Variants in PPFIBP2 observed in about 807,000 individuals in gnomAD.
The protein encoded by PPFIBP2 is PPFIB scaffold protein 2.
In PPFIBP2, 118 loss-of-function variants were observed where a neutral mutation model predicts 118.3. The observed-to-expected ratio is 1.00, with a 90% CI of 0.86 to 1.16. The LOEUF (loss-of-function observed/expected upper bound fraction) is 1.16. Ranked by LOEUF, PPFIBP2 falls within the 50% of genes most tolerant of loss-of-function variation. The pLI, the probability that PPFIBP2 is intolerant of heterozygous loss-of-function variation, is 0.00. For missense variants in PPFIBP2, 1,195 were observed against 1,073.1 expected, an observed-to-expected ratio of 1.11 and a Z score of -1.59; for synonymous variants, 414 against 397.4, an observed-to-expected ratio of 1.04 and a Z score of -0.50.
chr11:7,648,866 A>G lies in PPFIBP2; in HGVS notation c.1864A>G (p.Lys622Glu), dbSNP rs751855172. ...LVLAVKAINTKQEEKSALLDH... is the reference protein window; with the variant it reads ...LVLAVKAINTEQEEKSALLDH... ...TTTAGCAGTGAAAGCCATCAACACC[A>G]AACAGGAGGAGAAGTCTGCACTGCT... The change falls in exon 19 of 24, where the codon AAA becomes GAA. Residue 622 changes from lysine (K) to glutamate (E), a missense_variant. By Grantham distance (56) the Lys-to-Glu change is moderately conservative. Coordinates refer to ENST00000299492, the MANE Select transcript of PPFIBP2 (RefSeq NM_003621.5). The G allele has an allele frequency of 3.7e-6, 6 of 1,614,148 alleles. No individual in the cohort carries two copies. The highest frequency in any genetic ancestry group is 1.3e-5 in the African/African-American group (1 of 75,038).
downstream of PPFIBP2, among the ~76,000 whole-genome samples, chr11:7,660,497 C>T (rs1416717417): frequency 1.3e-5 from 2 of 148,664 alleles, no homozygotes; most frequent in Non-Finnish European, 3.0e-5. Flanking sequence ...GGGATGAAGC[C>T]CACTTGATCA....
intron 3 of PPFIBP2, among the ~76,000 whole-genome samples, chr11:7,570,210 G>A (rs1346252138): frequency 6.6e-6 from 1 of 152,176 alleles, no homozygotes; most frequent in East Asian, 1.9e-4. Flanking sequence ...CCTTAGACAG[G>A]ATAGCCAGTC....
At position 7,610,415 on chromosome 11, in the gene PPFIBP2, A is replaced by G. The variant is rs141621267; in HGVS notation, c.611A>G (p.Lys204Arg). ...AGAGAGCAGGAGGAGAAGCAGAGAAAAGCAGAGGTAAGGGTGAGTGTGTAC... is the reference window on the plus strand; with the variant it reads ...AGAGAGCAGGAGGAGAAGCAGAGAAGAGCAGAGGTAAGGGTGAGTGTGTAC... ...EQREQEEKQRKAEELLQELRH... is the reference protein window; with the variant it reads ...EQREQEEKQRRAEELLQELRH... The change falls in exon 6 of 24, where the codon AAA becomes AGA. Residue 204 changes from lysine to arginine, a missense_variant. Lys to Arg is a conservative substitution (Grantham distance 26). Coordinates refer to ENST00000299492, the MANE Select transcript of PPFIBP2 (RefSeq NM_003621.5). The G allele has an allele frequency of 1.1e-5, 17 of 1,613,482 alleles. No homozygotes were observed. Among genetic ancestry groups the G allele is most frequent in the Non-Finnish European group, 1.4e-5 (16 of 1,179,922 alleles).
At chr11:7,651,084 C>T (rs1853929761) in intron 22 of PPFIBP2, 119 bp downstream of exon 22, 1 of 1,093,684 alleles carries the variant, frequency 9.1e-7, no homozygotes, top group African/African-American at 1.6e-5. Context: ...ATCTGGAGGT[C>T]TTGCATAATT....
At chr11:7,544,294 G>A (rs1276541608) in intron 1 of PPFIBP2, among the ~76,000 whole-genome samples, 4 of 152,158 alleles carry the variant, frequency 2.6e-5, no homozygotes, top group African/African-American at 9.7e-5. Flanking sequence ...AAGTGCTTTG[G>A]TCCCATGTAA....
chr11:7,657,979 T>A (rs1854799218), downstream of PPFIBP2, among the ~76,000 whole-genome samples: 1 of 152,192 alleles, frequency 6.6e-6, no homozygotes, highest in African/African-American at 2.4e-5. Context: ...TTCGCATGTG[T>A]GTGTTAAGAA....
intron 3 of PPFIBP2, among the ~76,000 whole-genome samples, chr11:7,580,591 G>A (rs542629066): frequency 1.3e-4 from 20 of 152,236 alleles, no homozygotes; most frequent in African/African-American, 4.3e-4. Flanking sequence ...GGCCTGTGTG[G>A]GATGGGATAG....
intron 1 of PPFIBP2, among the ~76,000 whole-genome samples, chr11:7,531,280 C>A (rs1484974520): frequency 6.6e-6 from 1 of 152,170 alleles, no homozygotes; most frequent in African/African-American, 2.4e-5. Flanking sequence ...AGGGACCAAC[C>A]CTTCCCCTGC....
At chr11:7,521,446 C>T (rs1245584749) in intron 1 of PPFIBP2, among the ~76,000 whole-genome samples, 1 of 152,192 alleles carries the variant, frequency 6.6e-6, no homozygotes, top group African/African-American at 2.4e-5. Flanking sequence ...TTCTTTTGTG[C>T]CTATCTGCAT....
rs569448483 is a variant in PPFIBP2, at chr11:7,543,260, A to G, written c.-36-6180A>G. 9.8e-5 allele frequency among the ~76,000 whole-genome samples: 15 copies of G among 152,388 alleles called. No homozygotes were observed. The South Asian group carries it at 2.9e-3, about 29-fold the overall frequency. On this transcript the variant is annotated intron_variant, in intron 1 of 23. Coordinates refer to ENST00000299492, the MANE Select transcript of PPFIBP2 (RefSeq NM_003621.5). ...GCAAAAGGTATTTCTTAAAATAACC[A>G]TTTAAGAGCAGCTATGGCTTATGGG... is the stretch of plus-strand genomic sequence containing the variant.
At chr11:7,651,922 C>T (rs914602780) in intron 23 of PPFIBP2, 78 bp downstream of exon 23, 1 of 1,355,342 alleles carries the variant, frequency 7.4e-7, no homozygotes, top group Admixed American at 2.0e-5. Context: ...GCGCGATGCC[C>T]ACAGCCAGAG....
chr11:7,563,977 AAC>A (rs1854641240), intron 2 of PPFIBP2, among the ~76,000 whole-genome samples: 1 of 152,126 alleles, frequency 6.6e-6, no homozygotes, highest in South Asian at 2.1e-4. Flanking sequence ...CATCCTGGCT[AAC>A]ACAGTGAAAC....
the PPFIBP2 span, chr11:7,665,448 G>C: frequency 2.0e-5 from 32 of 1,613,604 alleles, 1 homozygote; most frequent in South Asian, 2.7e-4. Context: ...TGGATTAGTG[G>C]TGGCGGGCCA....
chr11:7,552,762 C>G (rs377408854), intron 2 of PPFIBP2, among the ~76,000 whole-genome samples: 11 of 152,296 alleles, frequency 7.2e-5, no homozygotes, highest in South Asian at 6.2e-4. Context: ...TTGCCCCCCC[C>G]TCTCCTGGAA....
chr11:7,548,297 G>C (rs1852549325), intron 1 of PPFIBP2: 1 of 152,182 alleles, frequency 6.6e-6, no homozygotes, highest in Admixed American at 6.5e-5. Context: ...GCCATTCCTG[G>C]GTGGTGCCCA....
At chr11:7,629,587 T>C in intron 10 of PPFIBP2, 53 bp downstream of exon 10, 1 of 1,569,846 alleles carries the variant, frequency 6.4e-7, no homozygotes, top group Non-Finnish European at 8.8e-7. Context: ...CCATCAGCTG[T>C]GTTAAAGCCA....
rs1226359999 is a variant in PPFIBP2 at position 7,632,938 on chromosome 11, A to G, written c.1136+4A>G. 10 of 1,612,576 alleles carry G rather than the reference A, an allele frequency of 6.2e-6. No individual in the cohort carries two copies. Among genetic ancestry groups the G allele is most frequent in the South Asian group, 1.1e-5 (1 of 91,004 alleles). ...CACAGAAATCACTGGAAACCAGGTA[A>G]GAGGCCTGGGCATTTCCCCACAGCC... is the stretch of plus-strand genomic sequence containing the variant. On this transcript the variant is annotated splice_donor_region_variant and intron_variant, in intron 12 of 23. Transcript: ENST00000299492.
chr11:7,541,328 C>G (rs560112180), intron 1 of PPFIBP2, among the ~76,000 whole-genome samples: 2 of 152,140 alleles, frequency 1.3e-5, no homozygotes, highest in East Asian at 1.9e-4. Flanking sequence ...GGAGGGTAAC[C>G]GGTTAGGAGG....
intron 2 of PPFIBP2, among the ~76,000 whole-genome samples, chr11:7,556,297 T>C (rs1312626116): frequency 2.0e-5 from 3 of 151,996 alleles, no homozygotes; most frequent in Admixed American, 6.5e-5. Context: ...CTACTAAAAG[T>C]ACAAAAAATT....
Sources: gnomAD v4.1 joint callset for allele counts (sites outside exome capture counted in the v4.1 genomes callset) on GRCh38, gnomAD v4.1.1 for gene constraint, MANE v1.5 for transcripts, NCBI Gene and HGNC (gene_info 2026-07-23, HGNC 2026-07-21) for gene names.